MEI4: variants seen among roughly 807,000 people sequenced by gnomAD.
MEI4 encodes the protein meiotic double-stranded break formation protein 4, also known as meiosis-specific protein MEI4.
A neutral mutation model predicts 31.4 loss-of-function variants in MEI4; 27 were observed. That is an observed-to-expected ratio of 0.86 (90% CI 0.63 to 1.19). The LOEUF is 1.19. Ranked by LOEUF, MEI4 falls within the 50% of genes most tolerant of loss-of-function variation. MEI4 has a pLI of 0.00. For missense variants in MEI4, 329 were observed against 398.9 expected (o/e 0.82, Z 1.49); for synonymous variants, 122 against 145.4 (o/e 0.84, Z 1.16).
chr6:77,743,124 G>A (rs927263429), intron 2 of MEI4, among the ~76,000 whole-genome samples: 3 of 152,140 alleles, frequency 2.0e-5, no homozygotes, highest in African/African-American at 7.2e-5. Flanking sequence ...GGTTCCATAT[G>A]AACTTGAAAG....
At chr6:77,682,398 C>A (rs1768975137) in intron 1 of MEI4, among the ~76,000 whole-genome samples, 1 of 152,166 alleles carries the variant, frequency 6.6e-6, no homozygotes, top group African/African-American at 2.4e-5. Context: ...ACTGTATTTT[C>A]TTTACTCAAT....
intron 1 of MEI4, among the ~76,000 whole-genome samples, chr6:77,673,380 A>G (rs1201970868): frequency 6.6e-6 from 1 of 152,192 alleles, no homozygotes; most frequent in African/African-American, 2.4e-5. Flanking sequence ...ATTTAAAACA[A>G]TTGTTACTAA....
chr6:77,843,772 T>C (rs892331708), intron 4 of MEI4, among the ~76,000 whole-genome samples: 3 of 152,090 alleles, frequency 2.0e-5, no homozygotes, highest in African/African-American at 7.2e-5. Flanking sequence ...TATATGTCCT[T>C]ATTTAAAAAG....
chr6:77,671,382 C>T (rs971837030), intron 1 of MEI4, among the ~76,000 whole-genome samples: 1 of 152,044 alleles, frequency 6.6e-6, no homozygotes, highest in African/African-American at 2.4e-5. Context: ...ATTTCAATTC[C>T]ATATGTTTAT....
intron 3 of MEI4, among the ~76,000 whole-genome samples, chr6:77,778,643 C>A (rs997762211): frequency 5.4e-4 from 82 of 151,854 alleles, no homozygotes; most frequent in Non-Finnish European, 3.4e-4. Context: ...AAGGCTACTG[C>A]AAGCCATGAT....
At position 77,664,301 on chromosome 6, in the gene MEI4, T is replaced by A. The variant is rs192402769; in HGVS notation, c.-15+11209T>A. Among the ~76,000 whole-genome samples, 420 of 152,258 alleles carry A rather than the reference T, an allele frequency of 2.8e-3. 1 individual carries two copies. The highest frequency in any genetic ancestry group is 4.1e-3 in the South Asian group (20 of 4,826). On this transcript the variant is annotated intron_variant, in intron 1 of 4. Coordinates refer to ENST00000684080, the MANE Select transcript of MEI4 (RefSeq NM_001322247.2). ...AAGACGGCCTTTTGACTTTTTGGGG[T>A]CTAGGGCTGTAAAGTGTCTCAGGGT...
At chr6:77,799,963 T>G (rs945738716) in intron 3 of MEI4, among the ~76,000 whole-genome samples, 19 of 152,096 alleles carry the variant, frequency 1.2e-4, no homozygotes, top group Non-Finnish European at 2.1e-4. Context: ...GCTTAGGATT[T>G]ACTTGGCAAT....
chr6:77,785,273 T>C (rs1442887531), intron 3 of MEI4, among the ~76,000 whole-genome samples: 1 of 152,190 alleles, frequency 6.6e-6, no homozygotes, highest in Non-Finnish European at 1.5e-5. Flanking sequence ...AATGCAGCTC[T>C]CTGGAGTAAG....
intron 3 of MEI4, among the ~76,000 whole-genome samples, chr6:77,772,413 A>G (rs191379924): frequency 6.6e-6 from 1 of 152,188 alleles, no homozygotes; most frequent in Non-Finnish European, 1.5e-5. Flanking sequence ...ATGGTTCAGC[A>G]TACACAAATC....
chr6:77,735,857 G>C (rs950055586), intron 2 of MEI4, among the ~76,000 whole-genome samples: 1 of 151,998 alleles, frequency 6.6e-6, no homozygotes. Flanking sequence ...CTAACAGACA[G>C]GACCCTCAGC....
intron 3 of MEI4, among the ~76,000 whole-genome samples, chr6:77,772,823 T>C (rs1269923960): frequency 6.6e-6 from 1 of 151,986 alleles, no homozygotes; most frequent in African/African-American, 2.4e-5. Context: ...ACAAGAAAAC[T>C]GTAAGAACTG....
At chr6:77,818,157 C>G (rs1769731944) in intron 3 of MEI4, among the ~76,000 whole-genome samples, 1 of 152,082 alleles carries the variant, frequency 6.6e-6, no homozygotes, top group Non-Finnish European at 1.5e-5. Context: ...GAAAAACTTA[C>G]ATTGCTGCCT....
intron 4 of MEI4, among the ~76,000 whole-genome samples, chr6:77,876,850 C>T (rs111443898): frequency 8.0e-4 from 122 of 151,990 alleles, no homozygotes; most frequent in African/African-American, 2.8e-3. Flanking sequence ...GACAAAATGT[C>T]TCAGGCAGTA....
intron 1 of MEI4, among the ~76,000 whole-genome samples, chr6:77,668,672 T>A (rs939410526): frequency 6.6e-6 from 1 of 152,196 alleles, no homozygotes; most frequent in Non-Finnish European, 1.5e-5. Context: ...CCTCTGTTGA[T>A]AAAGCAGAGA....
At chr6:77,736,112 T>C (rs1289273447) in intron 2 of MEI4, among the ~76,000 whole-genome samples, 2 of 151,278 alleles carry the variant, frequency 1.3e-5, no homozygotes, top group African/African-American at 4.9e-5. Context: ...CCCCCAGAGG[T>C]GGAGCCTACA....
intron 3 of MEI4, among the ~76,000 whole-genome samples, chr6:77,793,942 A>G (rs574601807): frequency 1.3e-5 from 2 of 152,230 alleles, no homozygotes; most frequent in African/African-American, 4.8e-5. Flanking sequence ...TTACCTGTCA[A>G]TAATTCCTTT....
rs576764462 is a variant in MEI4 at position 77,824,868 on chromosome 6, C to A, written c.769-4063C>A. ...TTAGTTGGTTTAAGTTTATTTCCTT[C>A]ATTAGTAGGGCTATACAAATAGGTA... On this transcript the variant is annotated intron_variant, in intron 3 of 4. Coordinates refer to ENST00000684080, the MANE Select transcript of MEI4 (RefSeq NM_001322247.2). Among the ~76,000 whole-genome samples, 5 of 152,136 alleles carry A rather than the reference C, an allele frequency of 3.3e-5. No homozygotes were observed. In the East Asian group the frequency reaches 9.6e-4, roughly 29 times the overall value.
rs796728627 is a variant in MEI4 at position 77,924,479 on chromosome 6, TCACAAAA to T, written c.*1134_*1140del. 17 of 151,840 alleles carry T rather than the reference TCACAAAA, an allele frequency of 1.1e-4. No homozygotes were observed. Among genetic ancestry groups the T allele is most frequent in the East Asian group, 3.9e-4 (2 of 5,142 alleles). The allele number at this position is 151,840 out of a possible 1,614,324, so 9.4% of individuals were successfully genotyped here. A position where few individuals can be genotyped will look rare whatever the true frequency, so the allele number is the denominator to read the frequency against. ...TGTTATGTGACAGATAGATAATCAATCACAAAATATCTATCAGTGGCATACAACAATA... is the reference window on the plus strand; with the variant it reads ...TGTTATGTGACAGATAGATAATCAATTATCTATCAGTGGCATACAACAATA... On this transcript the variant is annotated 3_prime_UTR_variant, in exon 5 of 5. Transcript: ENST00000684080.
intron 4 of MEI4, among the ~76,000 whole-genome samples, chr6:77,916,943 C>T (rs1766572171): frequency 6.7e-6 from 1 of 149,896 alleles, no homozygotes; most frequent in Admixed American, 6.7e-5. Context: ...ACCACAGTCC[C>T]CAGAGTGTGA....
Sources: allele counts gnomAD v4.1 joint callset (sites outside exome capture counted in the v4.1 genomes callset), GRCh38; gene constraint gnomAD v4.1.1; transcripts MANE v1.5; gene names NCBI Gene and HGNC (gene_info 2026-07-23, HGNC 2026-07-21).